The following DYM variants were observed in gnomAD, a reference collection of about 807,000 sequenced individuals.
The protein encoded by DYM is dymeclin, also known as dyggve-Melchior-Clausen syndrome protein.
Under a neutral mutation model 93.1 loss-of-function variants are expected in DYM, and 78 were observed. The ratio of observed to expected loss-of-function variants is 0.84; its 90% CI spans 0.70 to 1.01. DYM has a LOEUF of 1.01. DYM is among the 50% of genes least tolerant of loss of function. The pLI is 0.00. For missense variants in DYM, 789 were observed against 845.0 expected, an observed-to-expected ratio of 0.93 and a Z score of 0.82; for synonymous variants, 321 against 319.7, an observed-to-expected ratio of 1.00 and a Z score of -0.04.
chr18:49,087,763 C>T (rs1302631258), intron 17 of DYM, among the ~76,000 whole-genome samples: 1 of 152,080 alleles, frequency 6.6e-6, no homozygotes, highest in African/African-American at 2.4e-5. Context: ...TATTTCTCCA[C>T]ATCCTCTCCA....
At chr18:49,126,102 T>G (rs916366076) in intron 15 of DYM, 1 of 152,220 alleles carries the variant, frequency 6.6e-6, no homozygotes, top group African/African-American at 2.4e-5. Flanking sequence ...TGCAACTAAT[T>G]CATTTCCATT....
At chr18:49,263,779 GCA>G (rs1292244158) in intron 11 of DYM, among the ~76,000 whole-genome samples, 3 of 152,132 alleles carry the variant, frequency 2.0e-5, no homozygotes, top group Non-Finnish European at 2.9e-5. Context: ...ACACTAAAAA[GCA>G]CAGAGCAGCA....
chr18:49,155,598 C>T (rs951910674), intron 15 of DYM, among the ~76,000 whole-genome samples: 3 of 152,216 alleles, frequency 2.0e-5, no homozygotes, highest in Non-Finnish European at 2.9e-5. Context: ...ATAAGATTTG[C>T]CTATTCTGGA....
At chr18:49,112,127 C>CCCCCCTCCTCTCCGCA in intron 16 of DYM, among the ~76,000 whole-genome samples, 1 of 148,522 alleles carries the variant, frequency 6.7e-6, no homozygotes, top group African/African-American at 2.5e-5. Context: ...CCTCTCCGCA[C>CCCCCCTCCTCTCCGCA]CCCCCTCCCC....
At chr18:49,328,732 G>A (rs1342186384) in intron 8 of DYM, among the ~76,000 whole-genome samples, 3 of 152,148 alleles carry the variant, frequency 2.0e-5, no homozygotes, top group Non-Finnish European at 1.5e-5. Flanking sequence ...ACCACAATGA[G>A]ATACCATCTC....
At chr18:49,447,272 C>A (rs559872130) in intron 1 of DYM, 8 of 152,288 alleles carry the variant, frequency 5.3e-5, no homozygotes, top group Admixed American at 5.2e-4. Context: ...CCAGAAAGTA[C>A]CTTTTTCGAA....
At chr18:49,314,279 T>G (rs959049774) in intron 8 of DYM, among the ~76,000 whole-genome samples, 5 of 152,238 alleles carry the variant, frequency 3.3e-5, no homozygotes, top group Non-Finnish European at 5.9e-5. Context: ...CACTCAACAT[T>G]GTGCTGTAAG....
intron 14 of DYM, among the ~76,000 whole-genome samples, chr18:49,168,603 C>G (rs2088220090): frequency 6.6e-6 from 1 of 152,050 alleles, no homozygotes; most frequent in Non-Finnish European, 1.5e-5. Flanking sequence ...ATCAAAAGCC[C>G]TGGACTTTTA....
At chr18:49,216,489 C>A (rs543096873) in intron 13 of DYM, among the ~76,000 whole-genome samples, 2 of 152,302 alleles carry the variant, frequency 1.3e-5, no homozygotes, top group South Asian at 4.1e-4. Flanking sequence ...AGCAGCCTAA[C>A]TGGGAGGCAC....
intron 15 of DYM, among the ~76,000 whole-genome samples, chr18:49,149,044 T>C (rs1490431438): frequency 6.6e-6 from 1 of 152,178 alleles, no homozygotes; most frequent in African/African-American, 2.4e-5. Flanking sequence ...TAGACAGACC[T>C]ATCTGCGGGT....
At chr18:49,389,899 T>C (rs2069029900) in intron 3 of DYM, among the ~76,000 whole-genome samples, 1 of 152,192 alleles carries the variant, frequency 6.6e-6, no homozygotes, top group African/African-American at 2.4e-5. Context: ...TTTTTTCATC[T>C]TTTAATTTTA....
At position 49,404,005 on chromosome 18, in the gene DYM, TTTTG is replaced by T. The variant is rs1166519698; in HGVS notation, c.141-12364_141-12361del. ...TTTACTGTTGTTTTTTCTGTTTTTT[TTTTG>T]TTTGTTTGTTTGTTTTGAGATGGAG... On this transcript the variant is annotated intron_variant, in intron 2 of 17. Transcript: ENST00000675505. Among the ~76,000 whole-genome samples, 415 of 152,148 alleles carry T rather than the reference TTTTG, an allele frequency of 2.7e-3. 1 individual carries two copies. The highest frequency in any genetic ancestry group is 4.7e-3 in the African/African-American group (195 of 41,516).
At chr18:49,142,446 T>G (rs1376022801) in intron 15 of DYM, among the ~76,000 whole-genome samples, 3 of 152,192 alleles carry the variant, frequency 2.0e-5, no homozygotes, top group Non-Finnish European at 4.4e-5. Flanking sequence ...ATGAAGTGAT[T>G]TACCAATGAC....
intron 1 of DYM, among the ~76,000 whole-genome samples, chr18:49,439,850 A>G (rs1350306241): frequency 6.6e-6 from 1 of 151,858 alleles, no homozygotes; most frequent in African/African-American, 2.4e-5. Context: ...AAAAATTTAC[A>G]AATTAGCCAG....
At chr18:49,442,356 G>A (rs1264231370) in intron 1 of DYM, among the ~76,000 whole-genome samples, 2 of 151,308 alleles carry the variant, frequency 1.3e-5, no homozygotes, top group African/African-American at 2.4e-5. Flanking sequence ...ATCAACCTGG[G>A]CAACACAGAG....
At chr18:49,328,299 C>T (rs759759786) in intron 8 of DYM, among the ~76,000 whole-genome samples, 6 of 152,140 alleles carry the variant, frequency 3.9e-5, no homozygotes, top group Non-Finnish European at 8.8e-5. Context: ...GAAAAGATCG[C>T]ATCTAGCCAG....
intron 15 of DYM, among the ~76,000 whole-genome samples, chr18:49,122,363 T>C (rs567396174): frequency 2.0e-5 from 3 of 152,044 alleles, no homozygotes; most frequent in East Asian, 3.9e-4. Flanking sequence ...TAAAACTCAC[T>C]ACCTGAAAGA....
intron 14 of DYM, among the ~76,000 whole-genome samples, chr18:49,176,060 C>T (rs1327417854): frequency 6.6e-6 from 1 of 152,012 alleles, no homozygotes; most frequent in Non-Finnish European, 1.5e-5. Context: ...AGTCATACAA[C>T]ATGGCAAAGT....
chr18:49,095,349 G>A (rs1387658426), intron 17 of DYM, among the ~76,000 whole-genome samples: 2 of 151,990 alleles, frequency 1.3e-5, no homozygotes, highest in Non-Finnish European at 2.9e-5. Context: ...AACATCTGTG[G>A]TAATAATATG....
Sources: allele counts gnomAD v4.1 joint callset (sites outside exome capture counted in the v4.1 genomes callset), GRCh38; gene constraint gnomAD v4.1.1; transcripts MANE v1.5; gene names NCBI Gene and HGNC (gene_info 2026-07-23, HGNC 2026-07-21).